Variants in MTREX observed in about 807,000 individuals in gnomAD.
MTREX encodes Mtr4 exosome RNA helicase.
A neutral mutation model predicts 135.4 loss-of-function variants in MTREX; 76 were observed. That is an observed-to-expected ratio of 0.56 (90% confidence interval 0.47 to 0.68). The LOEUF is 0.68. MTREX is among the 30% of genes least tolerant of loss of function. The pLI is 0.00. For synonymous variants in MTREX, 404 were observed against 401.6 expected (o/e 1.01, Z -0.07); for missense variants, 920 against 1,262.1 (o/e 0.73, Z 4.11).
At chr5:55,405,317 A>G (rs1263248928) in intron 21 of MTREX, 108 bp from the exon 22 acceptor site, 17 of 935,028 alleles carry the variant, frequency 1.8e-5, no homozygotes, top group East Asian at 2.6e-5. Flanking sequence ...CCAGAAGTAT[A>G]CTGTAAGATG....
chr5:55,360,212 G>T, intron 15 of MTREX, among the ~76,000 whole-genome samples: 1 of 152,058 alleles, frequency 6.6e-6, no homozygotes, highest in East Asian at 1.9e-4. Flanking sequence ...GTACCCTTTT[G>T]TATCTGGCTT....
chr5:55,424,734 A>C lies in MTREX; in HGVS notation c.3091A>C (p.Lys1031Gln). ...TTTTCTCTTAGGAATCACCAAAATC[A>C]AGAGAGATATTGTGTTTGCTGCCAG... ...NKFAEGITKI[K>Q]RDIVFAASLY... The change falls in exon 27 of 27, where the codon AAG becomes CAG. Residue 1031 changes from lysine to glutamine, a missense_variant. Physicochemically the swap from Lys to Gln is moderately conservative, Grantham distance 53. Transcript: ENST00000230640. 7.4e-6 allele frequency: 12 copies of C among 1,612,186 alleles called. No individual in the cohort carries two copies. The highest frequency in any genetic ancestry group is 1.0e-5 in the Non-Finnish European group (12 of 1,178,294).
chr5:55,424,075 T>C (rs971797845), intron 26 of MTREX: 2 of 152,190 alleles, frequency 1.3e-5, no homozygotes, highest in African/African-American at 4.8e-5. Flanking sequence ...TCCAAGTCTT[T>C]GGATTTTACA....
intron 22 of MTREX, among the ~76,000 whole-genome samples, chr5:55,409,450 G>A (rs770406814): frequency 6.6e-6 from 1 of 152,078 alleles, no homozygotes; most frequent in Non-Finnish European, 1.5e-5. Context: ...ACACAGTTGT[G>A]TATATAAGGA....
chr5:55,376,348 T>C (rs1394837700), intron 16 of MTREX, among the ~76,000 whole-genome samples: 1 of 152,234 alleles, frequency 6.6e-6, no homozygotes, highest in Non-Finnish European at 1.5e-5. Context: ...CATTACCCGA[T>C]CTCCAAGCCA....
chr5:55,359,447 G>A (rs1749973718), intron 15 of MTREX, among the ~76,000 whole-genome samples: 1 of 152,178 alleles, frequency 6.6e-6, no homozygotes, highest in Admixed American at 6.5e-5. Context: ...CAGATTGTGT[G>A]TCTAACTTTT....
At chr5:55,350,247 GA>G (rs1173331954) in intron 12 of MTREX, among the ~76,000 whole-genome samples, 1 of 152,194 alleles carries the variant, frequency 6.6e-6, no homozygotes, top group Non-Finnish European at 1.5e-5. Flanking sequence ...TGAGTGGAAA[GA>G]AACATTGGGA....
chr5:55,384,825 G>A (rs1315763719), intron 18 of MTREX, among the ~76,000 whole-genome samples: 3 of 152,152 alleles, frequency 2.0e-5, no homozygotes, highest in African/African-American at 4.8e-5. Flanking sequence ...ACAATGGTTT[G>A]GACAGGGGTC....
At position 55,350,953 on chromosome 5, in the gene MTREX, T is replaced by C; in HGVS notation, c.1355T>C (p.Ile452Thr). ...GTACTTCCTCTTTTGAAGAGGGGAA[T>C]TGGTATTCACCATGGTGGTTTACTT... Reference protein sequence around the residue: ...EHVLPLLKRGIGIHHGGLLPI... With the variant: ...EHVLPLLKRGTGIHHGGLLPI... The change falls in exon 13 of 27, where the codon ATT (isoleucine) becomes ACT (threonine). Residue 452 changes from isoleucine to threonine, a missense_variant. Ile to Thr is a moderately conservative substitution (Grantham distance 89). Around this residue, in one of 6 missense-constraint regions of MTREX, gnomAD observed 101 missense variants for 119.1 expected, o/e 0.85. Coordinates refer to ENST00000230640, the MANE Select transcript of MTREX (RefSeq NM_015360.5). The C allele has an allele frequency of 6.2e-7, 1 of 1,606,786 alleles. No individual in the cohort carries two copies. Among genetic ancestry groups the C allele is most frequent in the Non-Finnish European group, 8.5e-7 (1 of 1,178,076 alleles).
intron 19 of MTREX, among the ~76,000 whole-genome samples, chr5:55,394,999 C>CTCCA (rs1200963232): frequency 1.3e-5 from 2 of 151,420 alleles, no homozygotes; most frequent in Non-Finnish European, 2.9e-5. Flanking sequence ...CACCGCTGCA[C>CTCCA]TCCAGCCTGG....
At chr5:55,375,595 A>G (rs1750284091) in intron 16 of MTREX, among the ~76,000 whole-genome samples, 1 of 152,072 alleles carries the variant, frequency 6.6e-6, no homozygotes. Context: ...TCAAACACAC[A>G]TGTTGTACAA....
chr5:55,346,932 A>G, intron 10 of MTREX, 81 bp from the exon 11 acceptor site: 9 of 1,159,244 alleles, frequency 7.8e-6, no homozygotes, highest in Non-Finnish European at 1.1e-5. Flanking sequence ...TTCTCTTAAA[A>G]GTTTTATAGT....
At chr5:55,309,808 G>A (rs908755711) in intron 1 of MTREX, among the ~76,000 whole-genome samples, 7 of 152,160 alleles carry the variant, frequency 4.6e-5, no homozygotes, top group African/African-American at 1.7e-4. Context: ...ACACAACACA[G>A]AACTTCTGGA....
chr5:55,379,090 A>G, intron 17 of MTREX, 37 bp from the exon 18 acceptor site: 1 of 1,469,416 alleles, frequency 6.8e-7, no homozygotes, highest in Non-Finnish European at 9.5e-7. Flanking sequence ...GTAGATATAC[A>G]TTTGATTCTT....
intron 19 of MTREX, among the ~76,000 whole-genome samples, chr5:55,397,155 G>T (rs1031362036): frequency 6.6e-6 from 1 of 152,104 alleles, no homozygotes; most frequent in Non-Finnish European, 1.5e-5. Flanking sequence ...TGTGCATTCT[G>T]TATTGAGGGG....
intron 22 of MTREX, 81 bp downstream of exon 22, chr5:55,405,669 G>A (rs1750793146): frequency 8.0e-7 from 1 of 1,254,172 alleles, no homozygotes; most frequent in Non-Finnish European, 1.1e-6. Flanking sequence ...TTTTGAGATG[G>A]AGTCTCACTG....
chr5:55,334,017 G>T (rs1192597476), intron 5 of MTREX, among the ~76,000 whole-genome samples: 1 of 152,064 alleles, frequency 6.6e-6, no homozygotes, highest in East Asian at 1.9e-4. Context: ...CCATAAAAAG[G>T]AATAAAGTGC....
intron 22 of MTREX, among the ~76,000 whole-genome samples, chr5:55,407,342 C>T (rs1403715282): frequency 6.6e-6 from 1 of 152,078 alleles, no homozygotes; most frequent in East Asian, 1.9e-4. Context: ...ATAACATATC[C>T]AGGATTAAAT....
chr5:55,419,735 G>A (rs1751024505), intron 25 of MTREX, among the ~76,000 whole-genome samples: 1 of 152,152 alleles, frequency 6.6e-6, no homozygotes, highest in Non-Finnish European at 1.5e-5. Context: ...CTTCTATGAT[G>A]AATTATCTCT....
Sources: gnomAD v4.1 joint callset for allele counts (sites outside exome capture counted in the v4.1 genomes callset) on GRCh38, gnomAD v4.1.1 for gene constraint, gnomAD v4.1.1 regional missense constraint, MANE v1.5 for transcripts, NCBI Gene and HGNC (gene_info 2026-07-23, HGNC 2026-07-21) for gene names.